Variants in XKR6 observed in about 807,000 individuals in gnomAD.
The protein encoded by XKR6 is XK related 6, also known as XK-related protein 6.
A neutral mutation model predicts 56.7 loss-of-function variants in XKR6; 22 were observed. The ratio of observed to expected loss-of-function variants is 0.39; its 90% CI spans 0.28 to 0.55. The LOEUF (loss-of-function observed/expected upper bound fraction) is 0.55. Among genes scored for constraint, XKR6 ranks in the 20% least tolerant of loss-of-function variants. The probability of loss-of-function intolerance (pLI) is 0.66; values close to 1 mark genes in which losing one functional copy is unlikely to be tolerated. For missense variants in XKR6, 852 were observed against 889.0 expected (o/e 0.96, Z 0.53); for synonymous variants, 524 against 387.8 (o/e 1.35, Z -4.13).
chr8:11,114,538 T>C (rs1050240700), intron 1 of XKR6, among the ~76,000 whole-genome samples: 2 of 152,154 alleles, frequency 1.3e-5, no homozygotes, highest in Non-Finnish European at 2.9e-5. Flanking sequence ...TTCTTGTATT[T>C]TTAGTAGACA....
chr8:11,162,422 G>C (rs1801857941), intron 1 of XKR6, among the ~76,000 whole-genome samples: 1 of 152,112 alleles, frequency 6.6e-6, no homozygotes, highest in African/African-American at 2.4e-5. Context: ...ACAACCTAGA[G>C]TAGAGTAATC....
intron 2 of XKR6, among the ~76,000 whole-genome samples, chr8:10,910,555 A>G (rs1447993876): frequency 1.3e-5 from 2 of 152,178 alleles, no homozygotes; most frequent in Non-Finnish European, 2.9e-5. Flanking sequence ...AGGAAAGACG[A>G]CATGTGAGAA....
chr8:11,162,910 T>G (rs376116040), intron 1 of XKR6, among the ~76,000 whole-genome samples: 2 of 152,326 alleles, frequency 1.3e-5, no homozygotes, highest in African/African-American at 4.8e-5. Flanking sequence ...TCACAGAAAT[T>G]TTTGCTAATT....
chr8:11,190,526 C>T (rs914652995), intron 1 of XKR6, among the ~76,000 whole-genome samples: 1 of 152,066 alleles, frequency 6.6e-6, no homozygotes, highest in African/African-American at 2.4e-5. Context: ...AGACACAGAC[C>T]CAGAGGTATT....
At position 10,995,134 on chromosome 8, in the gene XKR6, T is replaced by C. The variant is rs115861387; in HGVS notation, c.765-70304A>G. On this transcript the variant is annotated intron_variant, in intron 1 of 2. Transcript: ENST00000416569. The stretch of plus-strand genomic sequence containing the variant: ...ATGATTCATGATCACACAGGATGTA[T>C]AGACGAGAGCATTTTTGCCTTTACT... Among the ~76,000 whole-genome samples, 554 of 152,276 alleles carry C rather than the reference T, an allele frequency of 3.6e-3. 3 individuals carry two copies. The highest frequency in any genetic ancestry group is 0.012 in the African/African-American group (509 of 41,546).
intron 1 of XKR6, among the ~76,000 whole-genome samples, chr8:11,026,409 C>T (rs1012264823): frequency 1.3e-5 from 2 of 151,086 alleles, no homozygotes; most frequent in Non-Finnish European, 2.9e-5. Flanking sequence ...TAGCCTACTA[C>T]ACACCTAGAT....
chr8:11,149,455 A>T (rs1309448135), intron 1 of XKR6, among the ~76,000 whole-genome samples: 1 of 152,230 alleles, frequency 6.6e-6, no homozygotes, highest in Non-Finnish European at 1.5e-5. Context: ...ACCTGACTCT[A>T]ATTCAAAACA....
intron 1 of XKR6, among the ~76,000 whole-genome samples, chr8:11,043,712 A>G (rs560201556): frequency 6.6e-6 from 1 of 152,362 alleles, no homozygotes; most frequent in South Asian, 2.1e-4. Context: ...AACCCCAGAG[A>G]AATCTTAAAA....
chr8:11,009,932 GT>G (rs1232432004), intron 1 of XKR6, among the ~76,000 whole-genome samples: 2 of 152,094 alleles, frequency 1.3e-5, no homozygotes, highest in African/African-American at 4.8e-5. Context: ...ATCTAAAACT[GT>G]TCTAAATTAA....
chr8:11,121,310 G>C (rs1799444080), intron 1 of XKR6, among the ~76,000 whole-genome samples: 1 of 152,018 alleles, frequency 6.6e-6, no homozygotes, highest in Non-Finnish European at 1.5e-5. Context: ...CTAATATCCA[G>C]AATCTACAAC....
chr8:10,927,492 C>T (rs1179115364), intron 1 of XKR6, among the ~76,000 whole-genome samples: 3 of 152,184 alleles, frequency 2.0e-5, no homozygotes, highest in African/African-American at 7.2e-5. Context: ...TCCAGCCTCA[C>T]AGGTGGCCCA....
chr8:11,141,336 C>T (rs938418642), intron 1 of XKR6, among the ~76,000 whole-genome samples: 10 of 152,126 alleles, frequency 6.6e-5, no homozygotes, highest in African/African-American at 2.4e-4. Context: ...CACTGGGAGG[C>T]AGGATCCTTG....
intron 1 of XKR6, among the ~76,000 whole-genome samples, chr8:11,058,360 A>G (rs1799739249): frequency 6.6e-6 from 1 of 152,220 alleles, no homozygotes; most frequent in Non-Finnish European, 1.5e-5. Flanking sequence ...TTCTACTATA[A>G]AGACACATGC....
intron 2 of XKR6, among the ~76,000 whole-genome samples, chr8:10,904,645 G>A (rs1800134101): frequency 6.6e-6 from 1 of 152,178 alleles, no homozygotes; most frequent in African/African-American, 2.4e-5. Context: ...GCTGTGACCG[G>A]GATGGGCCAG....
chr8:10,964,353 C>T (rs759124694), intron 1 of XKR6, among the ~76,000 whole-genome samples: 1 of 152,214 alleles, frequency 6.6e-6, no homozygotes, highest in Non-Finnish European at 1.5e-5. Flanking sequence ...CCCCTCGGGG[C>T]TGTCCTGATG....
intron 1 of XKR6, among the ~76,000 whole-genome samples, chr8:11,035,803 T>C (rs1799126307): frequency 6.6e-6 from 1 of 152,078 alleles, no homozygotes; most frequent in Admixed American, 6.6e-5. Flanking sequence ...GGGAGGTAAG[T>C]GGTTTCCCTG....
intron 1 of XKR6, among the ~76,000 whole-genome samples, chr8:10,954,142 T>C (rs1433351499): frequency 6.6e-6 from 1 of 152,256 alleles, no homozygotes; most frequent in Non-Finnish European, 1.5e-5. Flanking sequence ...CAAATTTTCA[T>C]ATGGACATAT....
intron 1 of XKR6, among the ~76,000 whole-genome samples, chr8:11,163,670 T>TGG (rs1801933506): frequency 6.6e-6 from 1 of 152,226 alleles, no homozygotes; most frequent in Non-Finnish European, 1.5e-5. Flanking sequence ...TTGCGTGGTC[T>TGG]GCTACCCCAG....
chr8:10,989,057 C>A (rs1302702276), intron 1 of XKR6, among the ~76,000 whole-genome samples: 1 of 152,184 alleles, frequency 6.6e-6, no homozygotes, highest in Non-Finnish European at 1.5e-5. Flanking sequence ...TGTTGACTCA[C>A]CATGACCACC....
Sources: gnomAD v4.1 joint callset for allele counts (sites outside exome capture counted in the v4.1 genomes callset) on GRCh38, gnomAD v4.1.1 for gene constraint, MANE v1.5 for transcripts, NCBI Gene and HGNC (gene_info 2026-07-23, HGNC 2026-07-21) for gene names.